The following MBD5 variants were observed in gnomAD, a reference collection of about 807,000 sequenced individuals.
MBD5 encodes methyl-CpG binding domain protein 5, also known as methyl-CpG-binding domain protein 5.
A neutral mutation model predicts 117.3 loss-of-function variants in MBD5; 13 were observed. The ratio of observed to expected loss-of-function variants is 0.11; its 90% CI spans 0.07 to 0.18. The LOEUF is 0.18. Among genes scored for constraint, MBD5 ranks in the 10% least tolerant of loss-of-function variants. MBD5 has a pLI of 1.00. For synonymous variants in MBD5, 727 were observed against 766.4 expected (o/e 0.95, Z 0.85); for missense variants, 1,879 against 2,093.8 (o/e 0.90, Z 2.00).
chr2:148,171,612 T>G (rs1018314933), intron 1 of MBD5, among the ~76,000 whole-genome samples: 8 of 152,158 alleles, frequency 5.3e-5, no homozygotes, highest in Admixed American at 5.2e-4. Flanking sequence ...CTGGAAGTCC[T>G]AGCCAGCACA....
chr2:148,500,981 A>C (rs1319209560), intron 11 of MBD5, among the ~76,000 whole-genome samples: 4 of 152,176 alleles, frequency 2.6e-5, no homozygotes, highest in Non-Finnish European at 5.9e-5. Flanking sequence ...ACCCAATAGG[A>C]CACTTTTCTT....
intron 1 of MBD5, among the ~76,000 whole-genome samples, chr2:148,059,832 C>T (rs1297366860): frequency 6.7e-6 from 1 of 148,854 alleles, no homozygotes; most frequent in South Asian, 2.1e-4. Context: ...GGAGACAGAG[C>T]GAGACTCCGT....
At chr2:148,413,446 C>T (rs1574398397) in intron 4 of MBD5, among the ~76,000 whole-genome samples, 1 of 149,758 alleles carries the variant, frequency 6.7e-6, no homozygotes, top group Admixed American at 6.7e-5. Context: ...TGTCTGCCAG[C>T]TTTTGGTATC....
At chr2:148,172,973 C>G (rs986660899) in intron 1 of MBD5, among the ~76,000 whole-genome samples, 1 of 151,640 alleles carries the variant, frequency 6.6e-6, no homozygotes, top group African/African-American at 2.4e-5. Flanking sequence ...TTCAGATCTC[C>G]TGAGAGCTGC....
At chr2:148,389,339 G>A (rs1704494840) in intron 4 of MBD5, among the ~76,000 whole-genome samples, 1 of 129,436 alleles carries the variant, frequency 7.7e-6, no homozygotes, top group Admixed American at 8.3e-5. Context: ...CAGCATTGAT[G>A]GCACTTAGCT....
At chr2:148,253,362 C>A (rs142966905) in intron 3 of MBD5, among the ~76,000 whole-genome samples, 3 of 152,216 alleles carry the variant, frequency 2.0e-5, no homozygotes, top group African/African-American at 7.2e-5. Flanking sequence ...ATAGCTCTTA[C>A]AATCCAGGGA....
intron 4 of MBD5, among the ~76,000 whole-genome samples, chr2:148,411,411 A>G (rs1028765121): frequency 4.6e-5 from 7 of 151,964 alleles, no homozygotes; most frequent in African/African-American, 1.4e-4. Context: ...ATGTTCTTTG[A>G]GAAGTCACCA....
At chr2:148,473,198 G>A (rs1680851232) in intron 8 of MBD5, among the ~76,000 whole-genome samples, 1 of 152,086 alleles carries the variant, frequency 6.6e-6, no homozygotes, top group Non-Finnish European at 1.5e-5. Flanking sequence ...AGCAAATAAT[G>A]ACTAGAATTT....
intron 4 of MBD5, among the ~76,000 whole-genome samples, chr2:148,382,085 C>A (rs1413702451): frequency 6.6e-6 from 1 of 152,138 alleles, no homozygotes. Flanking sequence ...ATCATAATGA[C>A]AGGATCAAAT....
At chr2:148,225,835 C>T (rs756871696) in intron 2 of MBD5, among the ~76,000 whole-genome samples, 4 of 152,188 alleles carry the variant, frequency 2.6e-5, no homozygotes, top group Non-Finnish European at 5.9e-5. Flanking sequence ...TATATTGGAA[C>T]TCCATTGTAT....
chr2:148,303,180 AAGG>A (rs1701814176), intron 3 of MBD5, among the ~76,000 whole-genome samples: 2 of 152,158 alleles, frequency 1.3e-5, no homozygotes, highest in African/African-American at 4.8e-5. Flanking sequence ...ATCATTACAA[AAGG>A]CATTCAGTAG....
chr2:148,389,915 C>T lies in MBD5; in HGVS notation c.-557+47579C>T, dbSNP rs142607360. On this transcript the variant is annotated intron_variant, in intron 4 of 13. Transcript: ENST00000642680. ...TTGTTGATTTTTTCTTTTACTATGC[C>T]GAGCTCTTTAGTTTAAGTCCTATTT... 4.3e-3 allele frequency among the ~76,000 whole-genome samples: 647 copies of T among 151,954 alleles called. 5 individuals carry two copies. Among genetic ancestry groups the T allele is most frequent in the African/African-American group, 0.015 (619 of 41,494 alleles).
chr2:148,180,343 C>CAGATATATATAT (rs757856356), intron 2 of MBD5, among the ~76,000 whole-genome samples: 11 of 105,544 alleles, frequency 1.0e-4, no homozygotes, highest in African/African-American at 3.6e-4. Context: ...AAAAATTATA[C>CAGATATATATAT]ATATATATAT....
At chr2:148,266,359 A>G (rs1339404392) in intron 3 of MBD5, among the ~76,000 whole-genome samples, 2 of 151,952 alleles carry the variant, frequency 1.3e-5, no homozygotes, top group Non-Finnish European at 2.9e-5. Context: ...TATAAGAAAA[A>G]CTCTTGGCAC....
intron 11 of MBD5, among the ~76,000 whole-genome samples, chr2:148,499,363 T>A (rs376735745): frequency 1.3e-5 from 2 of 152,194 alleles, no homozygotes; most frequent in East Asian, 3.9e-4. Flanking sequence ...TATGAATACA[T>A]ATAAATTCCA....
chr2:148,490,459 A>G lies in MBD5; in HGVS notation c.4827A>G (p.Ile1609Met). ...NPDSPSSNEL[I>M]HYRPRTFNVG... ...ACTCCCCCTCTTCAAATGAATTGAT[A>G]CATTATAGACCAAGGACGTTCAATG... The change falls in exon 11 of 14, where the codon ATA (isoleucine) becomes ATG (methionine). Residue 1609 changes from isoleucine (I) to methionine (M), a missense_variant. Around this residue, in one of 4 missense-constraint regions of MBD5, gnomAD observed 135 missense variants for 148.0 expected, o/e 0.91. Transcript: ENST00000642680. 1 of 1,614,218 alleles carries G rather than the reference A, an allele frequency of 6.2e-7. No homozygotes were observed. The highest frequency in any genetic ancestry group is 8.5e-7 in the Non-Finnish European group (1 of 1,180,036).
At chr2:148,210,837 T>C (rs574849969) in intron 2 of MBD5, among the ~76,000 whole-genome samples, 14 of 152,296 alleles carry the variant, frequency 9.2e-5, no homozygotes, top group African/African-American at 3.1e-4. Context: ...TCACTTCTAC[T>C]AAACTTTCAG....
At chr2:148,285,761 G>A (rs886328506) in intron 3 of MBD5, among the ~76,000 whole-genome samples, 4 of 152,002 alleles carry the variant, frequency 2.6e-5, no homozygotes, top group Non-Finnish European at 5.9e-5. Context: ...CTGTCACCAT[G>A]TTGCCTAGGC....
intron 4 of MBD5, among the ~76,000 whole-genome samples, chr2:148,441,800 A>G (rs537906609): frequency 6.0e-4 from 91 of 152,096 alleles, no homozygotes; most frequent in African/African-American, 2.0e-3. Flanking sequence ...TCGCCATTCT[A>G]ACTGGTGTGA....
Sources: gnomAD v4.1 joint callset for allele counts (sites outside exome capture counted in the v4.1 genomes callset) on GRCh38, gnomAD v4.1.1 for gene constraint, gnomAD v4.1.1 regional missense constraint, MANE v1.5 for transcripts, NCBI Gene and HGNC (gene_info 2026-07-23, HGNC 2026-07-21) for gene names.